SLCO3A1: variants seen among roughly 807,000 people sequenced by gnomAD.
SLCO3A1 encodes the protein solute carrier organic anion transporter family member 3A1.
In SLCO3A1, 27 loss-of-function variants were observed where a neutral mutation model predicts 63.1. That is an observed-to-expected ratio of 0.43 (90% CI 0.32 to 0.59). The LOEUF is 0.59. Among genes scored for constraint, SLCO3A1 ranks in the 20% least tolerant of loss-of-function variants. The pLI is 0.09. For missense variants in SLCO3A1, 773 were observed against 945.8 expected (o/e 0.82, Z 2.40); for synonymous variants, 473 against 409.9 (o/e 1.15, Z -1.86).
chr15:91,998,857 C>A (rs984910359), intron 2 of SLCO3A1, among the ~76,000 whole-genome samples: 1 of 152,204 alleles, frequency 6.6e-6, no homozygotes, highest in Non-Finnish European at 1.5e-5. Flanking sequence ...CATTGTAGCA[C>A]GATTCACAAT....
At chr15:91,869,910 C>G (rs1331462251) in intron 1 of SLCO3A1, among the ~76,000 whole-genome samples, 1 of 152,178 alleles carries the variant, frequency 6.6e-6, no homozygotes, top group Non-Finnish European at 1.5e-5. Context: ...TGCAGATGCT[C>G]ACCTGCTCAG....
At chr15:92,144,254 G>A (rs1365661023) in intron 7 of SLCO3A1, among the ~76,000 whole-genome samples, 2 of 152,110 alleles carry the variant, frequency 1.3e-5, no homozygotes, top group African/African-American at 4.8e-5. Flanking sequence ...TATACATGAT[G>A]TATACACAGG....
At chr15:91,959,958 C>T (rs1900380901) in intron 2 of SLCO3A1, among the ~76,000 whole-genome samples, 1 of 152,026 alleles carries the variant, frequency 6.6e-6, no homozygotes, top group Non-Finnish European at 1.5e-5. Flanking sequence ...TAACATTTCA[C>T]GTAAACAGAA....
intron 1 of SLCO3A1, among the ~76,000 whole-genome samples, chr15:91,909,127 A>G (rs2151375296): frequency 6.6e-6 from 1 of 152,300 alleles, no homozygotes; most frequent in South Asian, 2.1e-4. Context: ...TGTGCCTGGA[A>G]TGACTTTTCT....
chr15:92,137,398 A>T (rs2048073275), intron 7 of SLCO3A1, among the ~76,000 whole-genome samples: 1 of 97,760 alleles, frequency 1.0e-5, no homozygotes, highest in African/African-American at 6.0e-5. Context: ...GTTGGTTCCA[A>T]GTCTTTGCTA....
rs983159799 is a variant in SLCO3A1, at chr15:91,862,746, C to G, written c.180+8658C>G. Among the ~76,000 whole-genome samples the G allele has an allele frequency of 3.3e-5, 5 of 152,198 alleles. No individual in the cohort carries two copies. The highest frequency in any genetic ancestry group is 5.9e-5 in the Non-Finnish European group (4 of 68,038). ...AACTAAATCCCTGCTCACAAAACTA[C>G]AGGAATTTGAGGGAGTTAGAAGTGA... On this transcript the variant is annotated intron_variant, in intron 1 of 9. Coordinates refer to ENST00000318445, the MANE Select transcript of SLCO3A1 (RefSeq NM_013272.4). This position sits in a 1 kb window ranked among gnomAD's most constrained non-coding sequence, Gnocchi z 4.0.
At chr15:91,959,491 A>G (rs1029500061) in intron 2 of SLCO3A1, among the ~76,000 whole-genome samples, 2 of 152,104 alleles carry the variant, frequency 1.3e-5, no homozygotes, top group Non-Finnish European at 2.9e-5. Flanking sequence ...GCACTTTGGG[A>G]AGCTGAGGCG....
chr15:92,033,211 C>T lies in SLCO3A1; in HGVS notation c.647-61670C>T, dbSNP rs568626918. 5.3e-5 allele frequency among the ~76,000 whole-genome samples: 8 copies of T among 152,290 alleles called. No homozygotes were observed. In the South Asian group the frequency reaches 6.2e-4, roughly 12 times the overall value. On this transcript the variant is annotated intron_variant, in intron 2 of 9. Coordinates refer to ENST00000318445, the MANE Select transcript of SLCO3A1 (RefSeq NM_013272.4). The surrounding 1 kb of genome is among the most constrained non-coding windows in gnomAD (Gnocchi z 4.5). ...GATGAGGAAACTGAGGCCATGCCTA[C>T]GTAAATGTATTGATTAGAAAAGAGT...
intron 1 of SLCO3A1, among the ~76,000 whole-genome samples, chr15:91,878,331 C>A (rs963412473): frequency 6.6e-6 from 1 of 152,122 alleles, no homozygotes; most frequent in Non-Finnish European, 1.5e-5. Flanking sequence ...CCGCCCACCT[C>A]GGCTTCCCAA....
chr15:92,045,948 G>A (rs1314093274), intron 2 of SLCO3A1, among the ~76,000 whole-genome samples: 1 of 152,120 alleles, frequency 6.6e-6, no homozygotes, highest in Non-Finnish European at 1.5e-5. Flanking sequence ...CTCTCGTGAT[G>A]GTGTTGACAG....
chr15:91,963,404 A>AGGGCGGGGGG (rs1176735786), intron 2 of SLCO3A1, among the ~76,000 whole-genome samples: 2 of 3,154 alleles, frequency 6.3e-4, no homozygotes, highest in African/African-American at 2.5e-3. Flanking sequence ...TAACTCGGGG[A>AGGGCGGGGGG]GGGTGGGGGG....
intron 2 of SLCO3A1, among the ~76,000 whole-genome samples, chr15:92,018,520 CTT>C (rs986337911): frequency 6.6e-6 from 1 of 152,214 alleles, no homozygotes; most frequent in Non-Finnish European, 1.5e-5. Flanking sequence ...TGCCACTTCT[CTT>C]CCGCAGGGAT....
chr15:92,162,757 C>T lies in SLCO3A1; in HGVS notation c.1755C>T (p.Gly585=), dbSNP rs749262768. 6.2e-6 allele frequency: 10 copies of T among 1,610,440 alleles called. No individual in the cohort carries two copies. Among genetic ancestry groups the T allele is most frequent in the East Asian group, 2.2e-5 (1 of 44,836 alleles). ...GVLFLLLRLL[G]FIPPPLIFGA... is the part of the protein sequence containing the mutation. ...TTAACATTCTTTTCCCGGTAACAGG[C>T]TTCATCCCTCCACCCCTCATCTTCG... The change falls in exon 10 of 10, where the codon GGC becomes GGT. Residue 585 remains glycine, a splice_region_variant and synonymous_variant. Transcript: ENST00000318445.
At chr15:92,008,519 C>G (rs564525784) in intron 2 of SLCO3A1, among the ~76,000 whole-genome samples, 1 of 152,138 alleles carries the variant, frequency 6.6e-6, no homozygotes, top group African/African-American at 2.4e-5. Flanking sequence ...AAGATGTTTT[C>G]GTTTTAAATT....
At chr15:92,039,218 A>G (rs568212708) in intron 2 of SLCO3A1, among the ~76,000 whole-genome samples, 31 of 152,338 alleles carry the variant, frequency 2.0e-4, no homozygotes, top group African/African-American at 7.0e-4. Context: ...ACAAAACCCA[A>G]AATTGACAAA....
chr15:92,154,179 A>T (rs1007207429), intron 9 of SLCO3A1, among the ~76,000 whole-genome samples: 5 of 152,118 alleles, frequency 3.3e-5, no homozygotes, highest in Non-Finnish European at 7.4e-5. Context: ...TAGGGTTGAG[A>T]AATAAAAGGA....
chr15:91,878,380 G>C (rs982735485), intron 1 of SLCO3A1, among the ~76,000 whole-genome samples: 1 of 152,132 alleles, frequency 6.6e-6, no homozygotes, highest in Admixed American at 6.5e-5. Flanking sequence ...GCGCCAGGGC[G>C]ATTTAGGCCT....
At position 92,094,753 on chromosome 15, in the gene SLCO3A1, G is replaced by A. The variant is rs1356792983; in HGVS notation, c.647-128G>A. 4 of 624,916 alleles carry A rather than the reference G, an allele frequency of 6.4e-6. No individual in the cohort carries two copies. In the African/African-American group the frequency reaches 7.3e-5, roughly 11 times the overall value. The allele number at this position is 624,916 out of a possible 1,614,324, so 38.7% of individuals were successfully genotyped here. On this transcript the variant is annotated intron_variant, in intron 2 of 9. Coordinates refer to ENST00000318445, the MANE Select transcript of SLCO3A1 (RefSeq NM_013272.4). The stretch of plus-strand genomic sequence containing the variant: ...TTAGAAATTCAGCCTTTCCCCTCTA[G>A]GATTTTTAGATGAATTCCTAATGTC...
intron 7 of SLCO3A1, among the ~76,000 whole-genome samples, chr15:92,131,268 C>T (rs1390852701): frequency 6.6e-6 from 1 of 152,108 alleles, no homozygotes; most frequent in Non-Finnish European, 1.5e-5. Flanking sequence ...TTTTCTACCT[C>T]TTCAAACATG....
Sources: gnomAD v4.1 joint callset for allele counts (sites outside exome capture counted in the v4.1 genomes callset) on GRCh38, gnomAD v4.1.1 for gene constraint, Gnocchi (gnomAD v3.1) non-coding constraint, MANE v1.5 for transcripts, NCBI Gene and HGNC (gene_info 2026-07-23, HGNC 2026-07-21) for gene names.